Variants in EYS observed in about 807,000 individuals in gnomAD.
EYS encodes the protein protein eyes shut homolog.
In EYS, 250 loss-of-function variants were observed where a neutral mutation model predicts 282.1. The ratio of observed to expected loss-of-function variants is 0.89; its 90% confidence interval spans 0.80 to 0.98. The LOEUF is 0.98. EYS is among the 50% of genes least tolerant of loss of function. EYS has a pLI of 0.00. For missense variants in EYS, 4,016 were observed against 3,709.0 expected, an observed-to-expected ratio of 1.08 and a Z score of -2.15; for synonymous variants, 1,355 against 1,282.9, an observed-to-expected ratio of 1.06 and a Z score of -1.20.
At chr6:65,231,073 A>ATATATATAAGTATATATATATATACTTT (rs1766759922) in intron 12 of EYS, among the ~76,000 whole-genome samples, 2 of 146,544 alleles carry the variant, frequency 1.4e-5, no homozygotes, top group Non-Finnish European at 3.0e-5. Context: ...GTACTTTTAT[A>ATATATATAAGTATATATATATATACTTT]TATATATATG....
chr6:65,684,107 T>A (rs1238388420), intron 1 of EYS, among the ~76,000 whole-genome samples: 1 of 152,016 alleles, frequency 6.6e-6, no homozygotes, highest in Non-Finnish European at 1.5e-5. Flanking sequence ...AATTTTTGTA[T>A]AAGCAATTTG....
intron 5 of EYS, among the ~76,000 whole-genome samples, chr6:65,425,092 G>A (rs1475717213): frequency 1.3e-5 from 2 of 151,976 alleles, no homozygotes; most frequent in Non-Finnish European, 2.9e-5. Context: ...CAGCTGAAAA[G>A]CCTTTAGCTG....
rs1764746843 is a variant in EYS at position 63,927,375 on chromosome 6, G to T, written c.7055+57008C>A. On this transcript the variant is annotated intron_variant, in intron 35 of 42. Transcript: ENST00000503581. ...TTAAGGCAGTAATTTGCTAGTCATT[G>T]TATCATGAGCCATGGCCCAAACACT... Among the ~76,000 whole-genome samples, 3 of 152,152 alleles carry T rather than the reference G, an allele frequency of 2.0e-5. 1 individual carries two copies. The South Asian group carries it at 6.2e-4, about 32-fold the overall frequency.
chr6:63,787,412 T>C (rs1770393869), intron 39 of EYS: 1 of 152,222 alleles, frequency 6.6e-6, no homozygotes, highest in African/African-American at 2.4e-5. Context: ...CTGTGACTCT[T>C]TGAAGTCTAC....
At chr6:63,937,499 G>A (rs1268046524) in intron 35 of EYS, among the ~76,000 whole-genome samples, 1 of 150,162 alleles carries the variant, frequency 6.7e-6, no homozygotes, top group East Asian at 2.0e-4. Context: ...TCCTGCCTCA[G>A]CCTCCCGAGT....
intron 33 of EYS, among the ~76,000 whole-genome samples, chr6:64,003,388 C>A (rs186904071): frequency 4.6e-5 from 7 of 152,062 alleles, no homozygotes; most frequent in Admixed American, 2.0e-4. Context: ...TTTGATAGCA[C>A]AATAGGGTGA....
At chr6:64,174,628 G>C (rs1764573347) in intron 31 of EYS, among the ~76,000 whole-genome samples, 1 of 151,252 alleles carries the variant, frequency 6.6e-6, no homozygotes, top group Non-Finnish European at 1.5e-5. Context: ...AAACAATTAG[G>C]GTAATGTATA....
intron 23 of EYS, among the ~76,000 whole-genome samples, chr6:64,625,677 T>C (rs1562098289): frequency 6.6e-6 from 1 of 152,240 alleles, no homozygotes; most frequent in Non-Finnish European, 1.5e-5. Flanking sequence ...GACACAAATA[T>C]TTAGACAATA....
At chr6:65,370,118 A>T (rs1196661245) in intron 8 of EYS, among the ~76,000 whole-genome samples, 2 of 150,118 alleles carry the variant, frequency 1.3e-5, no homozygotes, top group Admixed American at 6.8e-5. Flanking sequence ...TGAATTTCAG[A>T]TTTTGCAATT....
intron 29 of EYS, among the ~76,000 whole-genome samples, chr6:64,336,286 A>C (rs1394153424): frequency 1.3e-5 from 2 of 152,148 alleles, no homozygotes; most frequent in African/African-American, 2.4e-5. Flanking sequence ...GTGTAGGAAA[A>C]GGAATTTCAT....
At chr6:64,119,087 G>GT (rs752355893) in intron 31 of EYS, among the ~76,000 whole-genome samples, 9 of 152,094 alleles carry the variant, frequency 5.9e-5, no homozygotes, top group Admixed American at 5.2e-4. Context: ...ATTAAATTTT[G>GT]TTTTTTAATT....
At chr6:64,366,740 A>C (rs1009018504) in intron 29 of EYS, among the ~76,000 whole-genome samples, 3 of 152,056 alleles carry the variant, frequency 2.0e-5, no homozygotes, top group African/African-American at 7.2e-5. Context: ...AAAAATTAGC[A>C]AAATTAATAC....
In EYS at chr6:65,182,709, T is replaced by G. The variant is rs528533404; in HGVS notation, c.2023+113154A>C. On this transcript the variant is annotated intron_variant, in intron 12 of 42. Transcript: ENST00000503581. Reference sequence around the variant, plus strand: ...TTTTTTATAGTGAATTACATCAGTCTTTTCTGTTTACTTCTTTTATACTTT... The same window carrying G: ...TTTTTTATAGTGAATTACATCAGTCGTTTCTGTTTACTTCTTTTATACTTT... 5.9e-5 allele frequency among the ~76,000 whole-genome samples: 9 copies of G among 152,088 alleles called. No individual in the cohort carries two copies. The South Asian group carries it at 8.3e-4, about 14-fold the overall frequency.
intron 22 of EYS, among the ~76,000 whole-genome samples, chr6:64,739,342 A>G (rs1254868509): frequency 6.6e-6 from 1 of 152,238 alleles, no homozygotes; most frequent in Non-Finnish European, 1.5e-5. Flanking sequence ...CAAGAGACAA[A>G]GGTGAAAACT....
intron 41 of EYS, among the ~76,000 whole-genome samples, chr6:63,760,218 T>A (rs1265506580): frequency 6.6e-6 from 1 of 151,960 alleles, no homozygotes; most frequent in Non-Finnish European, 1.5e-5. Context: ...AACTAGTCCA[T>A]GAAAAAAGCA....
intron 33 of EYS, among the ~76,000 whole-genome samples, chr6:64,063,150 T>C (rs1391440919): frequency 2.0e-5 from 3 of 152,210 alleles, no homozygotes; most frequent in Non-Finnish European, 4.4e-5. Flanking sequence ...AATTTTTTTC[T>C]ACTGTATACT....
chr6:65,221,271 G>A (rs1486357997), intron 12 of EYS, among the ~76,000 whole-genome samples: 1 of 152,108 alleles, frequency 6.6e-6, no homozygotes, highest in Non-Finnish European at 1.5e-5. Flanking sequence ...ATGCCTTCAG[G>A]GCATGTCAGA....
At chr6:64,085,321 CGCGTGCGCACGT>C (rs143181832) in intron 31 of EYS, among the ~76,000 whole-genome samples, 7,802 of 143,476 alleles carry the variant, frequency 0.054, 535 homozygotes, top group African/African-American at 0.16. Context: ...CAGACGCGCG[CGCGTGCGCACGT>C]GCGCGCGCAC....
At chr6:65,317,776 CTCTTCCTT>C (rs1562092727) in intron 11 of EYS, among the ~76,000 whole-genome samples, 5 of 67,730 alleles carry the variant, frequency 7.4e-5, no homozygotes, top group African/African-American at 2.4e-4. Context: ...GCTACATTTT[CTCTTCCTT>C]CCTTCCTTCC....
Sources: gnomAD v4.1 joint callset for allele counts (sites outside exome capture counted in the v4.1 genomes callset) on GRCh38, gnomAD v4.1.1 for gene constraint, MANE v1.5 for transcripts, NCBI Gene and HGNC (gene_info 2026-07-23, HGNC 2026-07-21) for gene names.